HECW1: variants seen among roughly 807,000 people sequenced by gnomAD.
The protein encoded by HECW1 is HECT, C2 and WW domain containing E3 ubiquitin protein ligase 1.
A neutral mutation model predicts 182.3 loss-of-function variants in HECW1; 61 were observed. That is an observed-to-expected ratio of 0.33 (90% CI 0.27 to 0.41). The LOEUF (loss-of-function observed/expected upper bound fraction) is 0.41. HECW1 is among the 10% of genes least tolerant of loss of function. HECW1 has a pLI of 1.00. For missense variants in HECW1, 1,739 were observed against 2,108.9 expected (o/e 0.82, Z 3.44); for synonymous variants, 859 against 832.6 (o/e 1.03, Z -0.55).
chr7:43,290,669 C>A (rs978389534), intron 3 of HECW1, among the ~76,000 whole-genome samples: 1 of 152,174 alleles, frequency 6.6e-6, no homozygotes, highest in Non-Finnish European at 1.5e-5. Context: ...GTTTACAGTC[C>A]CTAGGAGCTT....
chr7:43,492,267 T>C (rs1448572894), intron 18 of HECW1, 87 bp downstream of exon 18: 5 of 936,746 alleles, frequency 5.3e-6, no homozygotes, highest in African/African-American at 5.0e-5. Flanking sequence ...GTTTTTGTCA[T>C]GAACCCTTTA....
intron 11 of HECW1, among the ~76,000 whole-genome samples, chr7:43,449,721 C>T (rs1376603256): frequency 2.0e-5 from 3 of 152,232 alleles, no homozygotes; most frequent in African/African-American, 7.2e-5. Context: ...AAAGGCCTGA[C>T]CTTTGCCCTC....
At chr7:43,549,555 T>A (rs1037758109) in intron 26 of HECW1, among the ~76,000 whole-genome samples, 7 of 152,190 alleles carry the variant, frequency 4.6e-5, no homozygotes, top group African/African-American at 1.7e-4. Flanking sequence ...TTTGATTTTT[T>A]AAAAAATGTC....
intron 24 of HECW1, among the ~76,000 whole-genome samples, chr7:43,522,091 C>A (rs2152939375): frequency 6.6e-6 from 1 of 152,242 alleles, no homozygotes; most frequent in South Asian, 2.1e-4. Flanking sequence ...TCTTTTGGCA[C>A]CTTGATCTTG....
chr7:43,291,717 T>A (rs1805428408), intron 3 of HECW1, among the ~76,000 whole-genome samples: 1 of 152,208 alleles, frequency 6.6e-6, no homozygotes, highest in African/African-American at 2.4e-5. Context: ...TGGGACTCCC[T>A]CTAACAAAAG....
intron 4 of HECW1, among the ~76,000 whole-genome samples, chr7:43,318,367 A>C (rs1809607906): frequency 6.6e-6 from 1 of 152,266 alleles, no homozygotes; most frequent in Non-Finnish European, 1.5e-5. Context: ...TGCAATCTTC[A>C]TGGTAACCCA....
At chr7:43,169,592 C>G (rs1423879595) in intron 2 of HECW1, among the ~76,000 whole-genome samples, 1 of 152,102 alleles carries the variant, frequency 6.6e-6, no homozygotes, top group Admixed American at 6.5e-5. Flanking sequence ...TCATCATATG[C>G]TAGTACTTTG....
chr7:43,233,552 C>G (rs973109601), intron 2 of HECW1, among the ~76,000 whole-genome samples: 1 of 152,162 alleles, frequency 6.6e-6, no homozygotes, highest in African/African-American at 2.4e-5. Flanking sequence ...CTCTCCTTCC[C>G]CCAAATAATA....
chr7:43,329,685 G>A (rs565762242), intron 5 of HECW1, among the ~76,000 whole-genome samples: 1 of 152,268 alleles, frequency 6.6e-6, no homozygotes, highest in South Asian at 2.1e-4. Context: ...TCTGTGGGCT[G>A]GAAAGATGCA....
intron 2 of HECW1, among the ~76,000 whole-genome samples, chr7:43,132,166 G>GCC (rs201264544): frequency 1.4e-5 from 2 of 141,872 alleles, no homozygotes; most frequent in African/African-American, 5.3e-5. Context: ...CCCTCACAGC[G>GCC]CCCCCCCGCC....
intron 21 of HECW1, among the ~76,000 whole-genome samples, chr7:43,504,520 T>C (rs554424545): frequency 6.6e-6 from 1 of 152,196 alleles, no homozygotes; most frequent in Non-Finnish European, 1.5e-5. Flanking sequence ...CTCCGTTTTG[T>C]TTCTACCCTC....
chr7:43,136,427 A>G (rs1275896599), intron 2 of HECW1, among the ~76,000 whole-genome samples: 1 of 152,220 alleles, frequency 6.6e-6, no homozygotes, highest in Non-Finnish European at 1.5e-5. Context: ...TTCCAGCCCC[A>G]GGGCTGAGAG....
intron 5 of HECW1, among the ~76,000 whole-genome samples, chr7:43,325,326 A>G (rs1167315750): frequency 6.6e-6 from 1 of 152,230 alleles, no homozygotes; most frequent in African/African-American, 2.4e-5. Context: ...TTTTTAATAC[A>G]TGCATTTGGG....
At chr7:43,281,641 G>T (rs1429150748) in intron 3 of HECW1, among the ~76,000 whole-genome samples, 2 of 149,820 alleles carry the variant, frequency 1.3e-5, no homozygotes, top group South Asian at 4.2e-4. Context: ...CAGACTGCTT[G>T]CTAAGCCTCT....
intron 3 of HECW1, among the ~76,000 whole-genome samples, chr7:43,261,408 G>A (rs537691801): frequency 6.6e-6 from 1 of 152,210 alleles, no homozygotes; most frequent in Non-Finnish European, 1.5e-5. Context: ...CTTCCTCGTC[G>A]GATTTGTTCT....
intron 3 of HECW1, among the ~76,000 whole-genome samples, chr7:43,264,696 T>C (rs1040491670): frequency 6.6e-6 from 1 of 151,934 alleles, no homozygotes; most frequent in Admixed American, 6.6e-5. Context: ...TACAAAAAAT[T>C]AGCCAGGTGT....
chr7:43,433,914 A>G (rs1020749910), intron 8 of HECW1, among the ~76,000 whole-genome samples: 3 of 151,914 alleles, frequency 2.0e-5, no homozygotes, highest in African/African-American at 7.3e-5. Flanking sequence ...CAGACATCAG[A>G]CCCCCAAGGA....
intron 24 of HECW1, among the ~76,000 whole-genome samples, chr7:43,526,998 A>C (rs1182477536): frequency 6.6e-6 from 1 of 152,190 alleles, no homozygotes; most frequent in African/African-American, 2.4e-5. Context: ...TGTCTCAAAA[A>C]AAGAAAAAAT....
At chr7:43,552,157 A>G (rs746367899) in intron 27 of HECW1, 65 bp from the exon 28 acceptor site, 23 of 957,892 alleles carry the variant, frequency 2.4e-5, no homozygotes, top group Non-Finnish European at 3.9e-5. Context: ...CCACATAAAT[A>G]TAATAATGAA....
Sources: gnomAD v4.1 joint callset for allele counts (sites outside exome capture counted in the v4.1 genomes callset) on GRCh38, gnomAD v4.1.1 for gene constraint, MANE v1.5 for transcripts, NCBI Gene and HGNC (gene_info 2026-07-23, HGNC 2026-07-21) for gene names.